Variants in SCN1A observed in about 807,000 individuals in gnomAD.
SCN1A encodes the protein sodium channel protein type 1 subunit alpha.
SCN1A carries 13 observed loss-of-function variants against 193.7 expected under a neutral mutation model. The ratio of observed to expected loss-of-function variants is 0.07; its 90% CI spans 0.04 to 0.11. The LOEUF is 0.11. Ranked by LOEUF, SCN1A falls within the 10% of genes least tolerant of loss-of-function variation. The pLI is 1.00. For synonymous variants in SCN1A, 781 were observed against 843.6 expected, an observed-to-expected ratio of 0.93 and a Z score of 1.29; for missense variants, 1,432 against 2,451.1, an observed-to-expected ratio of 0.58 and a Z score of 8.78.
chr2:166,081,596 T>C (rs1574408816), intron 2 of SCN1A: 1 of 151,938 alleles, frequency 6.6e-6, no homozygotes, highest in Non-Finnish European at 1.5e-5. Flanking sequence ...ATTTAGTGTT[T>C]CCCATCCCCG....
At chr2:166,106,400 T>C (rs771196248) in intron 2 of SCN1A, among the ~76,000 whole-genome samples, 7 of 151,990 alleles carry the variant, frequency 4.6e-5, no homozygotes, top group African/African-American at 7.3e-5. Context: ...CCAAACTTCA[T>C]TGGGAAAAGT....
At chr2:166,142,700 A>C (rs890729373) in intron 1 of SCN1A, among the ~76,000 whole-genome samples, 1 of 152,196 alleles carries the variant, frequency 6.6e-6, no homozygotes, top group South Asian at 2.1e-4. Context: ...ATCCAATTTC[A>C]CTGTTTCACT....
At chr2:166,033,137 C>G (rs1189796560) in intron 19 of SCN1A, among the ~76,000 whole-genome samples, 2 of 152,024 alleles carry the variant, frequency 1.3e-5, no homozygotes, top group African/African-American at 4.8e-5. Flanking sequence ...CAAGAAGATG[C>G]ATTATTTATT....
At position 166,148,255 on chromosome 2, in the gene SCN1A, A is replaced by G. The variant is rs76906175; in HGVS notation, c.-50+792T>C. On this transcript the variant is annotated intron_variant, in intron 1 of 26. Transcript: ENST00000635750. ...AATCTTATTAAAATTCCTGGCCAAT[A>G]TATCACTCTGCTGCGGCAATCTTAC... 5.9e-5 allele frequency among the ~76,000 whole-genome samples: 9 copies of G among 152,320 alleles called. No individual in the cohort carries two copies. The East Asian group carries it at 1.5e-3, about 26-fold the overall frequency.
rs1355697416 is a variant in SCN1A at position 165,990,204 on chromosome 2, A to T, written c.*1041T>A. On this transcript the variant is annotated 3_prime_UTR_variant, in exon 29 of 29. Transcript: ENST00000674923. ...TTGTGGTACATATTTGATGCAATAA[A>T]TACTGTGCTTAGGTCATTATTTGTT... The T allele has an allele frequency of 6.6e-6, 1 of 152,600 alleles. No homozygotes were observed. The highest frequency in any genetic ancestry group is 1.5e-5 in the Non-Finnish European group (1 of 68,038). 9.5% of individuals were successfully genotyped at this position (152,600 alleles called of 1,614,324 possible).
intron 2 of SCN1A, among the ~76,000 whole-genome samples, chr2:166,115,835 A>G (rs1474642019): frequency 6.6e-6 from 1 of 152,226 alleles, no homozygotes; most frequent in Non-Finnish European, 1.5e-5. Flanking sequence ...AAGGTACAGT[A>G]TAGCAGAGGA....
rs146515561 is a variant in SCN1A, at chr2:166,046,869, G to A, written c.1278C>T (p.Tyr426=). 2.5e-5 allele frequency: 41 copies of A among 1,613,770 alleles called. No homozygotes were observed. The highest frequency in any genetic ancestry group is 3.3e-5 in the South Asian group (3 of 91,082). The part of the protein sequence containing the change: ...NLILAVVAMA[Y]EEQNQATLEE... ...CCAAGGTGGCCTGATTCTGTTCCTC[G>A]TAGGCCATGGCCACCACAGCCAGGA... Residue 426 remains tyrosine (Y), a synonymous_variant, in exon 12 of 29, where the codon TAC becomes TAT. Transcript: ENST00000674923.
intron 2 of SCN1A, among the ~76,000 whole-genome samples, chr2:166,086,972 A>G (rs929397183): frequency 6.6e-6 from 1 of 152,062 alleles, no homozygotes; most frequent in East Asian, 1.9e-4. Context: ...GTCTAGGTGT[A>G]TGATACTTGG....
chr2:166,044,309 T>TACAC (rs1168118025), intron 13 of SCN1A, among the ~76,000 whole-genome samples: 1 of 151,548 alleles, frequency 6.6e-6, no homozygotes, highest in African/African-American at 2.4e-5. Context: ...CACACACACA[T>TACAC]ACACACACAC....
intron 2 of SCN1A, among the ~76,000 whole-genome samples, chr2:166,120,026 A>G (rs2106240470): frequency 6.6e-6 from 1 of 152,128 alleles, no homozygotes; most frequent in African/African-American, 2.4e-5. Context: ...ATTAACAATA[A>G]TAATTTTGTT....
At position 165,991,126 on chromosome 2, in the gene SCN1A, G is replaced by T; in HGVS notation, c.*119C>A. Reference sequence around the variant, plus strand: ...TTATTGTAGGCACTGACCTTAAGGAGATTTGTGTAAAAACAGTCAGTTTGG... The same window carrying T: ...TTATTGTAGGCACTGACCTTAAGGATATTTGTGTAAAAACAGTCAGTTTGG... On this transcript the variant is annotated 3_prime_UTR_variant, in exon 29 of 29. Transcript: ENST00000674923. The T allele has an allele frequency of 2.3e-6, 2 of 874,968 alleles. No homozygotes were observed. The highest frequency in any genetic ancestry group is 3.5e-4 in the Middle Eastern group (1 of 2,860). The allele number at this position is 874,968 out of a possible 1,614,324, so 54.2% of individuals were successfully genotyped here. A position where few individuals can be genotyped will look rare whatever the true frequency, so the allele number is the denominator to read the frequency against.
chr2:166,116,776 AAGC>A (rs773360543), intron 2 of SCN1A, among the ~76,000 whole-genome samples: 2 of 152,196 alleles, frequency 1.3e-5, no homozygotes, highest in Non-Finnish European at 2.9e-5. Flanking sequence ...CCATGTTAGA[AAGC>A]AGAAAAATCA....
chr2:166,026,753 G>A (rs1234132858), intron 19 of SCN1A, among the ~76,000 whole-genome samples: 1 of 139,076 alleles, frequency 7.2e-6, no homozygotes, highest in Non-Finnish European at 1.5e-5. Context: ...GCGTGATCTC[G>A]GCTCACTGCA....
intron 19 of SCN1A, among the ~76,000 whole-genome samples, chr2:166,031,346 T>C (rs1695528216): frequency 6.6e-6 from 1 of 152,038 alleles, no homozygotes; most frequent in African/African-American, 2.4e-5. Flanking sequence ...TTTACCTACA[T>C]CTCATCCTCA....
Position 166,015,685 on chromosome 2 carries a change from C to T in SCN1A, c.3472G>A (p.Asp1158Asn), listed in dbSNP as rs1693187469. ...SSSSSEGSTV[D>N]IGAPVEEQPV... ...TGTTCTTCTACAGGTGCGCCGATGT[C>T]CACAGTGCTACCTTCTGATGAGCTA... The change falls in exon 20 of 29, where the codon GAC becomes AAC. Residue 1158 changes from aspartate (D) to asparagine (N), a missense_variant. Asp to Asn is a conservative substitution (Grantham distance 23). Around this residue, in one of 18 missense-constraint regions of SCN1A, gnomAD observed 198 missense variants for 225.8 expected, o/e 0.88. Transcript: ENST00000674923. 6.2e-7 allele frequency: 1 copy of T among 1,612,876 alleles called. No individual in the cohort carries two copies. The highest frequency in any genetic ancestry group is 8.5e-7 in the Non-Finnish European group (1 of 1,179,068).
chr2:166,041,955 G>A (rs1697240379), intron 15 of SCN1A, among the ~76,000 whole-genome samples: 1 of 152,172 alleles, frequency 6.6e-6, no homozygotes. Flanking sequence ...GGATGAGGCT[G>A]AAAAGGGCTG....
chr2:166,061,700 A>T (rs1353677668), intron 4 of SCN1A, among the ~76,000 whole-genome samples: 1 of 152,206 alleles, frequency 6.6e-6, no homozygotes, highest in Non-Finnish European at 1.5e-5. Flanking sequence ...TTACGTGTCA[A>T]TTTAAAAAAT....
At chr2:166,104,559 A>G (rs532568090) in intron 2 of SCN1A, among the ~76,000 whole-genome samples, 2 of 152,264 alleles carry the variant, frequency 1.3e-5, no homozygotes, top group African/African-American at 4.8e-5. Flanking sequence ...CCTGGGCAAC[A>G]TGGCAAAACC....
intron 1 of SCN1A, among the ~76,000 whole-genome samples, chr2:166,148,702 G>A (rs973381301): frequency 2.6e-5 from 4 of 152,108 alleles, no homozygotes; most frequent in African/African-American, 4.8e-5. Context: ...CAAGGGCAAC[G>A]TAACAGCCAA....
Sources: allele counts gnomAD v4.1 joint callset (sites outside exome capture counted in the v4.1 genomes callset), GRCh38; gene constraint gnomAD v4.1.1; regional missense constraint gnomAD v4.1.1; transcripts MANE v1.5; gene names NCBI Gene and HGNC (gene_info 2026-07-23, HGNC 2026-07-21).